NFATC2: variants seen among roughly 807,000 people sequenced by gnomAD.
NFATC2 encodes the protein nuclear factor of activated T cells 2.
In NFATC2, 22 loss-of-function variants were observed where a neutral mutation model predicts 87.3. The observed-to-expected ratio is 0.25, with a 90% confidence interval of 0.18 to 0.36. NFATC2 has a LOEUF of 0.36. Ranked by LOEUF, NFATC2 falls within the 10% of genes least tolerant of loss-of-function variation. The pLI, the probability that NFATC2 is intolerant of heterozygous loss-of-function variation, is 1.00. For synonymous variants in NFATC2, 565 were observed against 542.2 expected, an observed-to-expected ratio of 1.04 and a Z score of -0.58; for missense variants, 1,149 against 1,259.1, an observed-to-expected ratio of 0.91 and a Z score of 1.32.
intron 6 of NFATC2, among the ~76,000 whole-genome samples, chr20:51,438,837 G>A (rs2146364662): frequency 6.6e-6 from 1 of 152,308 alleles, no homozygotes; most frequent in Non-Finnish European, 1.5e-5. Flanking sequence ...GGCAACTGAG[G>A]CCCAGAGAAG....
upstream of NFATC2, among the ~76,000 whole-genome samples, chr20:51,547,186 G>A (rs895159886): frequency 2.6e-5 from 4 of 152,174 alleles, no homozygotes; most frequent in African/African-American, 9.7e-5. Context: ...TGAAGCCGGA[G>A]GACCAAGTAG....
chr20:51,552,539 A>T (rs910545276), intron 1 of NFATC2, among the ~76,000 whole-genome samples: 1 of 152,172 alleles, frequency 6.6e-6, no homozygotes, highest in Non-Finnish European at 1.5e-5. Flanking sequence ...TTGTGAGAAA[A>T]CTATTTTCCA....
At chr20:51,405,043 G>A (rs1054672493) in intron 9 of NFATC2, among the ~76,000 whole-genome samples, 7 of 152,174 alleles carry the variant, frequency 4.6e-5, no homozygotes, top group Admixed American at 1.3e-4. Context: ...GGGCTCACTG[G>A]GAGGAGAGCA....
At chr20:51,561,486 A>AGAAG (rs2077030478) in intron 1 of NFATC2, among the ~76,000 whole-genome samples, 1 of 72,900 alleles carries the variant, frequency 1.4e-5, no homozygotes, top group South Asian at 4.6e-4. Flanking sequence ...AAAGAAAGAA[A>AGAAG]GCAAGCAAGC....
intron 5 of NFATC2, among the ~76,000 whole-genome samples, chr20:51,463,467 G>A (rs963934275): frequency 6.6e-6 from 1 of 152,182 alleles, no homozygotes; most frequent in African/African-American, 2.4e-5. Flanking sequence ...CACTCCACAG[G>A]ACATCAGGGA....
At chr20:51,398,579 A>C in intron 10 of NFATC2, 64 bp downstream of exon 10, 1 of 1,254,946 alleles carries the variant, frequency 8.0e-7, no homozygotes, top group Non-Finnish European at 1.1e-6. Context: ...TTAAAAAAAA[A>C]AAAATTCAAG....
intron 3 of NFATC2, among the ~76,000 whole-genome samples, chr20:51,504,651 A>G (rs1490427092): frequency 6.6e-6 from 1 of 152,250 alleles, no homozygotes; most frequent in African/African-American, 2.4e-5. Context: ...TAAGCAGTTA[A>G]GAGCGTGGGC....
At chr20:51,400,643 G>GTTGAATGA (rs1174892427) in intron 9 of NFATC2, among the ~76,000 whole-genome samples, 6 of 152,196 alleles carry the variant, frequency 3.9e-5, no homozygotes, top group Non-Finnish European at 1.5e-5. Context: ...GTGGAAGACA[G>GTTGAATGA]AGGCAGGGCC....
At chr20:51,399,791 G>A (rs1274498188) in intron 9 of NFATC2, among the ~76,000 whole-genome samples, 1 of 152,204 alleles carries the variant, frequency 6.6e-6, no homozygotes, top group African/African-American at 2.4e-5. Flanking sequence ...GTCTCCACTT[G>A]AAACTGACTT....
chr20:51,479,526 G>A (rs988354964), intron 3 of NFATC2, among the ~76,000 whole-genome samples: 12 of 152,324 alleles, frequency 7.9e-5, no homozygotes, highest in African/African-American at 2.2e-4. Context: ...GGGCTGAAGC[G>A]AGAGGATCAG....
At chr20:51,552,300 G>A (rs2076940985) in intron 1 of NFATC2, among the ~76,000 whole-genome samples, 1 of 151,680 alleles carries the variant, frequency 6.6e-6, no homozygotes, top group Admixed American at 6.5e-5. Context: ...TTTCATATAT[G>A]TATGTGTGTC....
chr20:51,452,237 C>T (rs575591080), intron 6 of NFATC2, among the ~76,000 whole-genome samples: 1 of 152,290 alleles, frequency 6.6e-6, no homozygotes, highest in South Asian at 2.1e-4. Flanking sequence ...ACCTCGGGCT[C>T]TGTGACCTTC....
intron 3 of NFATC2, among the ~76,000 whole-genome samples, chr20:51,487,929 CTT>C (rs1989852725): frequency 6.6e-6 from 1 of 152,122 alleles, no homozygotes; most frequent in Non-Finnish European, 1.5e-5. Flanking sequence ...CTGCATAACT[CTT>C]AGACTCAGCA....
At position 51,523,224 on chromosome 20, in the gene NFATC2, G is replaced by A. The variant is rs774864876; in HGVS notation, c.1017C>T (p.Ala339=). The A allele has an allele frequency of 9.3e-6, 15 of 1,613,602 alleles. No individual in the cohort carries two copies. Among genetic ancestry groups the A allele is most frequent in the Admixed American group, 1.7e-5 (1 of 59,972 alleles). The change falls in exon 2 of 11, where the codon GCC becomes GCT. Residue 339 remains alanine (A), a synonymous_variant. Transcript: ENST00000371564. The surrounding 1 kb of genome is among the most constrained non-coding windows in gnomAD (Gnocchi z 6.9). The stretch of plus-strand genomic sequence containing the variant: ...CCGGGTAGATGTGGCGAGGCAGGCC[G>A]GCCTTGGATGGGGCGGCAGACACCG... ...PSPVSAAPSK[A]GLPRHIYPAV...
At chr20:51,516,300 G>A (rs368402814) in intron 3 of NFATC2, among the ~76,000 whole-genome samples, 6 of 152,296 alleles carry the variant, frequency 3.9e-5, no homozygotes, top group African/African-American at 1.4e-4. Context: ...GGTAACAGAG[G>A]CTGGCGTGTT....
chr20:51,388,164 G>A lies in NFATC2; in HGVS notation c.*3332C>T, dbSNP rs1352927061. On this transcript the variant is annotated 3_prime_UTR_variant, in exon 11 of 11. Coordinates refer to ENST00000371564, the MANE Select transcript of NFATC2 (RefSeq NM_012340.5). ...CCCTTCTGTAAATATTAGCCTGAACGTTGAGTTCTGTGAACATGAATTCTT... is the reference window on the plus strand; with the variant it reads ...CCCTTCTGTAAATATTAGCCTGAACATTGAGTTCTGTGAACATGAATTCTT... The A allele has an allele frequency of 4.6e-5, 7 of 152,144 alleles. No individual in the cohort carries two copies. The highest frequency in any genetic ancestry group is 2.0e-4 in the Admixed American group (3 of 15,270). The allele number at this position is 152,144 out of a possible 1,614,324, so 9.4% of individuals were successfully genotyped here.
Position 51,391,334 on chromosome 20 carries a change from G to A in NFATC2, c.*162C>T. The A allele has an allele frequency of 6.5e-7, 1 of 1,529,288 alleles. No individual in the cohort carries two copies. The highest frequency in any genetic ancestry group is 9.1e-7 in the Non-Finnish European group (1 of 1,103,172). 94.7% of individuals were successfully genotyped at this position (1,529,288 alleles called of 1,614,324 possible). ...ATGAACATGAAAGGAGACAGAAGGT[G>A]AGGGGCTGTGGAGGGCTCCGAGGGG... On this transcript the variant is annotated 3_prime_UTR_variant, in exon 11 of 11. Transcript: ENST00000371564.
At chr20:51,491,095 T>C (rs933989495) in intron 3 of NFATC2, among the ~76,000 whole-genome samples, 4 of 152,162 alleles carry the variant, frequency 2.6e-5, no homozygotes, top group South Asian at 4.1e-4. Context: ...AGAGAAAAAG[T>C]ACCACTGCCT....
intron 5 of NFATC2, among the ~76,000 whole-genome samples, chr20:51,473,514 T>C (rs1988430110): frequency 6.6e-6 from 1 of 152,308 alleles, no homozygotes; most frequent in Admixed American, 6.5e-5. Flanking sequence ...CCGGGACTGC[T>C]GTGAATACTC....
Sources: allele counts gnomAD v4.1 joint callset (sites outside exome capture counted in the v4.1 genomes callset), GRCh38; gene constraint gnomAD v4.1.1; non-coding constraint Gnocchi (gnomAD v3.1); transcripts MANE v1.5; gene names NCBI Gene and HGNC (gene_info 2026-07-23, HGNC 2026-07-21).